The following MACROD2 variants were observed in gnomAD, a reference collection of about 807,000 sequenced individuals.
MACROD2 encodes the protein mono-ADP ribosylhydrolase 2, also known as ADP-ribose glycohydrolase MACROD2.
In MACROD2, 36 loss-of-function variants were observed where a neutral mutation model predicts 70.4. The ratio of observed to expected loss-of-function variants is 0.51; its 90% CI spans 0.39 to 0.68. The LOEUF is 0.68. MACROD2 is among the 30% of genes least tolerant of loss of function. The probability of loss-of-function intolerance (pLI) is 0.00; values close to 1 mark genes in which losing one functional copy is unlikely to be tolerated. For missense variants in MACROD2, 496 were observed against 538.4 expected (o/e 0.92, Z 0.78); for synonymous variants, 172 against 178.8 (o/e 0.96, Z 0.30).
At chr20:15,711,544 T>A (rs1447131276) in intron 8 of MACROD2, among the ~76,000 whole-genome samples, 2 of 152,210 alleles carry the variant, frequency 1.3e-5, no homozygotes, top group African/African-American at 4.8e-5. Flanking sequence ...TATGAGCTCC[T>A]TGCCGGATGG....
intron 12 of MACROD2, among the ~76,000 whole-genome samples, chr20:15,942,872 C>T (rs6034331): frequency 1.3e-5 from 2 of 152,066 alleles, no homozygotes; most frequent in Non-Finnish European, 2.9e-5. Context: ...TAATCAGTAC[C>T]TAATTTAAAT....
intron 4 of MACROD2, among the ~76,000 whole-genome samples, chr20:14,647,048 A>G (rs1985433234): frequency 6.6e-6 from 1 of 152,154 alleles, no homozygotes; most frequent in Admixed American, 6.6e-5. Flanking sequence ...GGCACACCTC[A>G]TGTGGGATCT....
chr20:14,459,204 T>G (rs1419390512), intron 3 of MACROD2, among the ~76,000 whole-genome samples: 1 of 152,082 alleles, frequency 6.6e-6, no homozygotes, highest in East Asian at 1.9e-4. Context: ...AATATATTCG[T>G]TTGATGTGAT....
intron 5 of MACROD2, among the ~76,000 whole-genome samples, chr20:15,183,749 G>A (rs185645859): frequency 1.3e-5 from 2 of 152,302 alleles, no homozygotes; most frequent in African/African-American, 2.4e-5. Context: ...GGCTTGTGGT[G>A]TTCCCAATCA....
At chr20:14,310,224 T>A (rs1205246083) in intron 3 of MACROD2, among the ~76,000 whole-genome samples, 2 of 152,338 alleles carry the variant, frequency 1.3e-5, no homozygotes, top group Non-Finnish European at 2.9e-5. Context: ...TTTTAGCCCG[T>A]TAACAATGAC....
chr20:15,025,318 A>T (rs2075221624), intron 5 of MACROD2, among the ~76,000 whole-genome samples: 1 of 152,022 alleles, frequency 6.6e-6, no homozygotes, highest in Admixed American at 6.6e-5. Context: ...TATCAGTCTA[A>T]GTCTTGGGTG....
rs1318913593 is a variant in MACROD2 at position 15,030,834 on chromosome 20, T to G, written c.419-199106T>G. Among the ~76,000 whole-genome samples the G allele has an allele frequency of 2.0e-5, 3 of 152,170 alleles. No individual in the cohort carries two copies. The East Asian group carries it at 5.8e-4, about 29-fold the overall frequency. On this transcript the variant is annotated intron_variant, in intron 5 of 17. Transcript: ENST00000684519. ...ATCCTGAGTCCTGCAGTTCATGATC[T>G]TCATCCCAGATCCCAGTGTCACAGG...
At chr20:14,599,782 A>T (rs1170130509) in intron 4 of MACROD2, among the ~76,000 whole-genome samples, 1 of 152,182 alleles carries the variant, frequency 6.6e-6, no homozygotes, top group Non-Finnish European at 1.5e-5. Flanking sequence ...GTGGGAACAG[A>T]TGCAAGAGGC....
At chr20:14,986,949 T>C (rs559888955) in intron 5 of MACROD2, among the ~76,000 whole-genome samples, 6 of 152,228 alleles carry the variant, frequency 3.9e-5, no homozygotes, top group African/African-American at 1.4e-4. Flanking sequence ...CAGCTATATA[T>C]TGCAATGGAC....
intron 7 of MACROD2, among the ~76,000 whole-genome samples, chr20:15,433,459 C>CAAA (rs60298297): frequency 0.072 from 6,353 of 87,960 alleles, 597 homozygotes; most frequent in African/African-American, 0.18. Context: ...ACAAGAGCTG[C>CAAA]AAAAAAAAAA....
intron 6 of MACROD2, among the ~76,000 whole-genome samples, chr20:15,401,834 G>A (rs900120403): frequency 4.6e-5 from 7 of 152,188 alleles, no homozygotes; most frequent in African/African-American, 1.7e-4. Flanking sequence ...GCGGTCAGAT[G>A]GAGACCTTGG....
intron 4 of MACROD2, among the ~76,000 whole-genome samples, chr20:14,567,431 T>C (rs1424359969): frequency 6.6e-6 from 1 of 152,042 alleles, no homozygotes; most frequent in Admixed American, 6.6e-5. Context: ...TGTTGGCTTG[T>C]GTGCATGCGT....
At chr20:16,039,331 T>C (rs1227397943) in intron 15 of MACROD2, among the ~76,000 whole-genome samples, 1 of 152,004 alleles carries the variant, frequency 6.6e-6, no homozygotes, top group Non-Finnish European at 1.5e-5. Context: ...TTTTCATGTG[T>C]TTTGCAGGCC....
intron 8 of MACROD2, among the ~76,000 whole-genome samples, chr20:15,777,302 T>C (rs952679984): frequency 5.9e-5 from 9 of 152,252 alleles, no homozygotes; most frequent in African/African-American, 1.9e-4. Context: ...TACTCTTCTG[T>C]TTAGTTTTAT....
At chr20:14,976,023 G>C (rs1417044866) in intron 5 of MACROD2, among the ~76,000 whole-genome samples, 1 of 152,178 alleles carries the variant, frequency 6.6e-6, no homozygotes, top group Non-Finnish European at 1.5e-5. Context: ...GGCCAGCATA[G>C]AGGATATTCC....
chr20:14,928,674 C>A (rs891516520), intron 5 of MACROD2, among the ~76,000 whole-genome samples: 6 of 152,156 alleles, frequency 3.9e-5, no homozygotes, highest in Non-Finnish European at 5.9e-5. Flanking sequence ...ATGAAGCATG[C>A]ACATGATGCC....
At chr20:14,275,003 C>T (rs2082237301) in intron 3 of MACROD2, among the ~76,000 whole-genome samples, 1 of 152,222 alleles carries the variant, frequency 6.6e-6, no homozygotes, top group South Asian at 2.1e-4. Context: ...AAAGAGGATA[C>T]AAACAAATGG....
chr20:15,000,405 T>C lies in MACROD2; in HGVS notation c.419-229535T>C, dbSNP rs559935369. On this transcript the variant is annotated intron_variant, in intron 5 of 17. Coordinates refer to ENST00000684519, the MANE Select transcript of MACROD2 (RefSeq NM_001351661.2). ...TTGGGAGGCCGAGGCGGGTGGATCA[T>C]GAGGTCAGGAGATCGAGACCATCCT... Among the ~76,000 whole-genome samples, 320 of 128,902 alleles carry C rather than the reference T, an allele frequency of 2.5e-3. 30 individuals carry two copies. Among genetic ancestry groups the C allele is most frequent in the African/African-American group, 9.1e-3 (246 of 26,918 alleles). The allele number at this position is 128,902 out of a possible 152,430, so 84.6% of individuals were successfully genotyped here.
intron 5 of MACROD2, among the ~76,000 whole-genome samples, chr20:15,196,267 G>GA (rs58567238): frequency 0.17 from 24,196 of 142,604 alleles, 2,006 homozygotes; most frequent in Middle Eastern, 0.23. Flanking sequence ...ATTAAAAAAT[G>GA]AAAAAAAAAA....
Sources: gnomAD v4.1 joint callset for allele counts (sites outside exome capture counted in the v4.1 genomes callset) on GRCh38, gnomAD v4.1.1 for gene constraint, MANE v1.5 for transcripts, NCBI Gene and HGNC (gene_info 2026-07-23, HGNC 2026-07-21) for gene names.